The following ATP9B variants were observed in gnomAD, a reference collection of about 807,000 sequenced individuals.
ATP9B encodes probable phospholipid-transporting ATPase IIB.
A neutral mutation model predicts 146.1 loss-of-function variants in ATP9B; 110 were observed. The observed-to-expected ratio is 0.75, with a 90% CI of 0.65 to 0.88. The LOEUF is 0.88. ATP9B is among the 40% of genes least tolerant of loss of function. ATP9B has a pLI of 0.00. For synonymous variants in ATP9B, 604 were observed against 569.7 expected (o/e 1.06, Z -0.86); for missense variants, 1,499 against 1,496.4 (o/e 1.00, Z -0.03).
chr18:79,287,209 G>T (rs1331824600), intron 13 of ATP9B, among the ~76,000 whole-genome samples: 1 of 152,182 alleles, frequency 6.6e-6, no homozygotes, highest in East Asian at 1.9e-4. Context: ...GTTCCTCCTT[G>T]TACCTCTGGT....
chr18:79,269,886 G>T (rs1270069612), intron 12 of ATP9B, among the ~76,000 whole-genome samples: 1 of 152,204 alleles, frequency 6.6e-6, no homozygotes, highest in Non-Finnish European at 1.5e-5. Flanking sequence ...TCCCTGAGGC[G>T]CATCCTTGCC....
At chr18:79,097,762 A>T (rs2074924827) in intron 2 of ATP9B, among the ~76,000 whole-genome samples, 1 of 144,116 alleles carries the variant, frequency 6.9e-6, no homozygotes, top group African/African-American at 2.7e-5. Context: ...ACGTTTTCTT[A>T]ATCCAGTCTA....
At chr18:79,164,853 AAG>A (rs1237817859) in intron 7 of ATP9B, among the ~76,000 whole-genome samples, 1 of 152,234 alleles carries the variant, frequency 6.6e-6, no homozygotes, top group Non-Finnish European at 1.5e-5. Flanking sequence ...TGTGTAGAGT[AAG>A]AGACCACAAG....
chr18:79,352,207 T>C (rs1226054397), intron 25 of ATP9B, among the ~76,000 whole-genome samples: 1 of 152,230 alleles, frequency 6.6e-6, no homozygotes, highest in Non-Finnish European at 1.5e-5. Context: ...GTGGGTCTTC[T>C]TTTACCCTTG....
At chr18:79,109,185 A>ATT (rs2146962748) in intron 2 of ATP9B, among the ~76,000 whole-genome samples, 1 of 152,332 alleles carries the variant, frequency 6.6e-6, no homozygotes, top group East Asian at 1.9e-4. Context: ...AGAAGGTGAG[A>ATT]TTTAACAACT....
At chr18:79,110,057 G>A (rs969396307) in intron 2 of ATP9B, among the ~76,000 whole-genome samples, 1 of 152,074 alleles carries the variant, frequency 6.6e-6, no homozygotes, top group African/African-American at 2.4e-5. Context: ...ACCTTTTCTC[G>A]ACATATAGAG....
At chr18:79,376,113 G>A in intron 29 of ATP9B, 2 of 981,100 alleles carry the variant, frequency 2.0e-6, no homozygotes, top group Non-Finnish European at 2.4e-6. Context: ...TGTTGCAGAT[G>A]GAACTGCCAG....
chr18:79,270,955 G>A (rs575203884), intron 12 of ATP9B, among the ~76,000 whole-genome samples: 1 of 152,208 alleles, frequency 6.6e-6, no homozygotes, highest in African/African-American at 2.4e-5. Flanking sequence ...TGGTCCTGGG[G>A]GCCACTGTCA....
intron 1 of ATP9B, among the ~76,000 whole-genome samples, chr18:79,070,183 A>G (rs2071559968): frequency 6.6e-6 from 1 of 152,230 alleles, no homozygotes; most frequent in Non-Finnish European, 1.5e-5. Context: ...AACATTTCTC[A>G]TTCAAAGAAA....
intron 9 of ATP9B, among the ~76,000 whole-genome samples, chr18:79,193,670 A>G (rs2095391003): frequency 6.6e-6 from 1 of 152,198 alleles, no homozygotes; most frequent in African/African-American, 2.4e-5. Flanking sequence ...ACACATATGT[A>G]TATTTCATGC....
chr18:79,082,703 A>G (rs1332779794), intron 1 of ATP9B, among the ~76,000 whole-genome samples: 1 of 152,234 alleles, frequency 6.6e-6, no homozygotes, highest in African/African-American at 2.4e-5. Flanking sequence ...GATCCACTCC[A>G]GATCCTGTTT....
At chr18:79,330,635 T>G (rs569716861) in intron 17 of ATP9B, among the ~76,000 whole-genome samples, 47 of 152,242 alleles carry the variant, frequency 3.1e-4, no homozygotes, top group Non-Finnish European at 2.9e-4. Flanking sequence ...GGATGGTCTC[T>G]ATCTCCTGAC....
At chr18:79,072,830 C>T (rs959604968) in intron 1 of ATP9B, among the ~76,000 whole-genome samples, 3 of 152,042 alleles carry the variant, frequency 2.0e-5, no homozygotes, top group Admixed American at 2.0e-4. Flanking sequence ...CTCCTCACCT[C>T]TCAGATGGGG....
chr18:79,214,500 T>C (rs1435319889), intron 11 of ATP9B, among the ~76,000 whole-genome samples: 1 of 152,192 alleles, frequency 6.6e-6, no homozygotes, highest in Non-Finnish European at 1.5e-5. Flanking sequence ...CAAAGATTAG[T>C]TTTAAAGACC....
chr18:79,161,841 G>A lies in ATP9B; in HGVS notation c.778+7286G>A, dbSNP rs552347560. Among the ~76,000 whole-genome samples, 146 of 151,808 alleles carry A rather than the reference G, an allele frequency of 9.6e-4. 1 individual carries two copies. The South Asian group carries it at 0.03, about 31-fold the overall frequency. ...AGCCTGGGTGACAGAGCGAGACTCCGTCTCAAAAAAAAAGAAGTCAGATTG... is the reference window on the plus strand; with the variant it reads ...AGCCTGGGTGACAGAGCGAGACTCCATCTCAAAAAAAAAGAAGTCAGATTG... On this transcript the variant is annotated intron_variant, in intron 7 of 29. Coordinates refer to ENST00000426216, the MANE Select transcript of ATP9B (RefSeq NM_198531.5).
chr18:79,185,561 C>G (rs1425658425), intron 8 of ATP9B, among the ~76,000 whole-genome samples: 2 of 152,016 alleles, frequency 1.3e-5, no homozygotes, highest in African/African-American at 4.8e-5. Flanking sequence ...AGCAGTATAT[C>G]CTAGGAAAAA....
intron 17 of ATP9B, 111 bp from the exon 18 acceptor site, chr18:79,336,517 C>T (rs1488934666): frequency 3.3e-6 from 3 of 918,020 alleles, no homozygotes; most frequent in Non-Finnish European, 5.2e-6. Flanking sequence ...AAGGTGGGCA[C>T]AGGACATGAG....
intron 11 of ATP9B, among the ~76,000 whole-genome samples, chr18:79,231,710 T>C (rs1055196216): frequency 1.3e-5 from 2 of 150,726 alleles, no homozygotes; most frequent in African/African-American, 4.9e-5. Flanking sequence ...CAATTCACGA[T>C]TGCAAAAATA....
chr18:79,263,037 C>G (rs1347356702), intron 12 of ATP9B, among the ~76,000 whole-genome samples: 1 of 152,194 alleles, frequency 6.6e-6, no homozygotes, highest in South Asian at 2.1e-4. Context: ...ACTTCAGCAG[C>G]CTTTGAGCAT....
Sources: gnomAD v4.1 joint callset for allele counts (sites outside exome capture counted in the v4.1 genomes callset) on GRCh38, gnomAD v4.1.1 for gene constraint, MANE v1.5 for transcripts, NCBI Gene and HGNC (gene_info 2026-07-23, HGNC 2026-07-21) for gene names.